Variants in CORIN observed in about 807,000 individuals in gnomAD.
CORIN encodes atrial natriuretic peptide-converting enzyme.
CORIN carries 117 observed loss-of-function variants against 125.3 expected under a neutral mutation model. The observed-to-expected ratio is 0.93, with a 90% CI of 0.80 to 1.09. The LOEUF is 1.09. Among genes scored for constraint, CORIN ranks in the 50% least tolerant of loss-of-function variants. The probability of loss-of-function intolerance (pLI) is 0.00; values close to 1 mark genes in which losing one functional copy is unlikely to be tolerated. For synonymous variants in CORIN, 450 were observed against 466.4 expected (o/e 0.96, Z 0.45); for missense variants, 1,253 against 1,306.7 (o/e 0.96, Z 0.63).
chr4:47,789,125 C>G (rs1307647098), intron 2 of CORIN, among the ~76,000 whole-genome samples: 2 of 151,962 alleles, frequency 1.3e-5, no homozygotes, highest in East Asian at 1.9e-4. Flanking sequence ...CCGCGTGAAA[C>G]CCCGTCTCTA....
At chr4:47,745,409 G>A (rs540984527) in intron 4 of CORIN, among the ~76,000 whole-genome samples, 15 of 152,350 alleles carry the variant, frequency 9.8e-5, no homozygotes, top group African/African-American at 3.6e-4. Flanking sequence ...AGGAAACTGG[G>A]AAAGAAAATA....
At chr4:47,663,538 T>C (rs1056601599) in intron 11 of CORIN, among the ~76,000 whole-genome samples, 9 of 152,144 alleles carry the variant, frequency 5.9e-5, no homozygotes, top group Non-Finnish European at 1.0e-4. Context: ...AAAATTTTGA[T>C]TGAACAACAC....
At chr4:47,823,683 C>A (rs1577954277) in intron 1 of CORIN, among the ~76,000 whole-genome samples, 2 of 152,202 alleles carry the variant, frequency 1.3e-5, no homozygotes. Flanking sequence ...ATACTTTTAA[C>A]CCCTTTTCCA....
rs138743434 is a variant in CORIN at position 47,654,992 on chromosome 4, T to C, written c.1736-1332A>G. Among the ~76,000 whole-genome samples the C allele has an allele frequency of 9.5e-3, 1,441 of 151,898 alleles. 10 individuals are homozygous for C. The highest frequency in any genetic ancestry group is 0.017 in the Middle Eastern group (5 of 292). On this transcript the variant is annotated intron_variant, in intron 12 of 21. Coordinates refer to ENST00000273857, the MANE Select transcript of CORIN (RefSeq NM_006587.4). ...GGATATCAGCTTAGCCACAGTAGAA[T>C]AGGGCACCAGACAGAGTCCTGTCCT...
intron 5 of CORIN, among the ~76,000 whole-genome samples, chr4:47,715,980 G>A (rs1727071775): frequency 6.6e-6 from 1 of 152,172 alleles, no homozygotes; most frequent in Non-Finnish European, 1.5e-5. Context: ...CTCCCTAAGA[G>A]AAAGGGAAGT....
chr4:47,642,769 G>C, intron 15 of CORIN: 1 of 1,245,650 alleles, frequency 8.0e-7, no homozygotes, highest in Non-Finnish European at 1.1e-6. Context: ...GTGTAGGGAA[G>C]GCAGAGGGGC....
chr4:47,654,138 A>G (rs931406350), intron 12 of CORIN, among the ~76,000 whole-genome samples: 2 of 152,380 alleles, frequency 1.3e-5, no homozygotes, highest in East Asian at 3.9e-4. Context: ...GATCACTAGT[A>G]TAAAAGCATC....
intron 4 of CORIN, among the ~76,000 whole-genome samples, chr4:47,751,000 G>A (rs915145806): frequency 5.9e-5 from 9 of 152,326 alleles, no homozygotes; most frequent in Admixed American, 1.3e-4. Flanking sequence ...CTTGACATCT[G>A]GTGGGACTGT....
rs937587653 is a variant in CORIN at position 47,622,767 on chromosome 4, G to A, written c.2540+804C>T. Reference sequence around the variant, plus strand: ...GCAGATTGAACTGCAACTCTTGCCCGATCTTCCTGCCTGCCACCTACCTCA... The same window carrying A: ...GCAGATTGAACTGCAACTCTTGCCCAATCTTCCTGCCTGCCACCTACCTCA... On this transcript the variant is annotated intron_variant, in intron 19 of 21. Coordinates refer to ENST00000273857, the MANE Select transcript of CORIN (RefSeq NM_006587.4). Among the ~76,000 whole-genome samples, 15 of 152,228 alleles carry A rather than the reference G, an allele frequency of 9.9e-5. No individual in the cohort carries two copies. In the South Asian group the frequency reaches 1.0e-3, roughly 11 times the overall value.
At chr4:47,679,980 C>A in intron 8 of CORIN, 161 bp downstream of exon 8, 1 of 539,260 alleles carries the variant, frequency 1.9e-6, no homozygotes, top group African/African-American at 1.9e-5. Flanking sequence ...ATTGTCATCC[C>A]ATGACTCAGT....
chr4:47,595,680 CT>C lies in CORIN; in HGVS notation c.*40del. On this transcript the variant is annotated 3_prime_UTR_variant, in exon 22 of 22. Coordinates refer to ENST00000273857, the MANE Select transcript of CORIN (RefSeq NM_006587.4). ...TCTTCACAGTCAAGAAGGCCATTTT[CT>C]TTTAGTGTAGCTGGCAAAAGTCTCT... 1 of 1,523,082 alleles carries C rather than the reference CT, an allele frequency of 6.6e-7. No individual in the cohort carries two copies. Among genetic ancestry groups the C allele is most frequent in the Non-Finnish European group, 8.9e-7 (1 of 1,127,892 alleles). 94.3% of individuals were successfully genotyped at this position (1,523,082 alleles called of 1,614,324 possible).
At chr4:47,813,426 T>C (rs1432579442) in intron 1 of CORIN, among the ~76,000 whole-genome samples, 1 of 152,184 alleles carries the variant, frequency 6.6e-6, no homozygotes, top group Non-Finnish European at 1.5e-5. Context: ...AAACATATGC[T>C]GTCTTTAGCT....
intron 1 of CORIN, chr4:47,831,278 C>T (rs6823698): frequency 0.34 from 51,939 of 152,198 alleles, 9,279 homozygotes; most frequent in East Asian, 0.59. Context: ...GTGAGCTGAT[C>T]GGGACAACTG....
chr4:47,737,634 C>G (rs1482304974), intron 5 of CORIN, among the ~76,000 whole-genome samples: 3 of 152,230 alleles, frequency 2.0e-5, no homozygotes, highest in Non-Finnish European at 4.4e-5. Flanking sequence ...TCTGCTTTCT[C>G]TCCCTCCCTT....
intron 1 of CORIN, among the ~76,000 whole-genome samples, chr4:47,819,681 G>C (rs2109973067): frequency 6.6e-6 from 1 of 152,264 alleles, no homozygotes; most frequent in South Asian, 2.1e-4. Context: ...GGTTTCACAA[G>C]ATCCTGATTC....
intron 5 of CORIN, among the ~76,000 whole-genome samples, chr4:47,721,548 C>T (rs1272772162): frequency 3.9e-5 from 6 of 152,176 alleles, no homozygotes; most frequent in Admixed American, 6.5e-5. Flanking sequence ...GGATTACAGG[C>T]GTGAGCCACT....
At chr4:47,834,512 C>T (rs1405828037) in intron 1 of CORIN, among the ~76,000 whole-genome samples, 6 of 152,108 alleles carry the variant, frequency 3.9e-5, no homozygotes, top group African/African-American at 7.2e-5. Flanking sequence ...TAAATAAGTC[C>T]TAGAAATCTA....
intron 12 of CORIN, among the ~76,000 whole-genome samples, chr4:47,654,346 C>CTTATGA (rs1560491098): frequency 1.2e-5 from 1 of 83,022 alleles, no homozygotes; most frequent in East Asian, 2.4e-4. Flanking sequence ...CACAAAAAAG[C>CTTATGA]ACCTTCATAA....
At chr4:47,830,000 G>C (rs1469337593) in intron 1 of CORIN, among the ~76,000 whole-genome samples, 1 of 152,068 alleles carries the variant, frequency 6.6e-6, no homozygotes, top group Non-Finnish European at 1.5e-5. Context: ...TGCTTGACTT[G>C]GACAAAACTG....
Sources: gnomAD v4.1 joint callset for allele counts (sites outside exome capture counted in the v4.1 genomes callset) on GRCh38, gnomAD v4.1.1 for gene constraint, MANE v1.5 for transcripts, NCBI Gene and HGNC (gene_info 2026-07-23, HGNC 2026-07-21) for gene names.